The following KDSR variants were observed in gnomAD, a reference collection of about 807,000 sequenced individuals.
KDSR encodes 3-dehydrosphinganine reductase.
In KDSR, 23 loss-of-function variants were observed where a neutral mutation model predicts 41.3. The ratio of observed to expected loss-of-function variants is 0.56; its 90% CI spans 0.40 to 0.79. The LOEUF is 0.79. Ranked by LOEUF, KDSR falls within the 30% of genes least tolerant of loss-of-function variation. KDSR has a pLI of 0.00. For synonymous variants in KDSR, 138 were observed against 151.7 expected (o/e 0.91, Z 0.66); for missense variants, 351 against 416.8 (o/e 0.84, Z 1.37).
At position 63,329,127 on chromosome 18, in the gene KDSR, T is replaced by C. The variant is rs10460159; in HGVS notation, c.*2655A>G. Reference sequence around the variant, plus strand: ...GCATTGAACCAAAAAATATAAAAAATAGAATTTGCCTTGTAATATTTTCAT... The same window carrying C: ...GCATTGAACCAAAAAATATAAAAAACAGAATTTGCCTTGTAATATTTTCAT... On this transcript the variant is annotated 3_prime_UTR_variant, in exon 10 of 10. Coordinates refer to ENST00000645214, the MANE Select transcript of KDSR (RefSeq NM_002035.4). The C allele has an allele frequency of 0.32, 64,772 of 199,566 alleles. 12,903 individuals are homozygous for C. Among genetic ancestry groups the C allele is most frequent in the Non-Finnish European group, 0.43 (41,952 of 96,722 alleles). 12.4% of individuals were successfully genotyped at this position (199,566 alleles called of 1,614,324 possible). A position where few individuals can be genotyped will look rare whatever the true frequency, so the allele number is the denominator to read the frequency against.
rs190277811 is a variant in KDSR, at chr18:63,356,248, A to G, written c.256-685T>C. On this transcript the variant is annotated intron_variant, in intron 3 of 9. Coordinates refer to ENST00000645214, the MANE Select transcript of KDSR (RefSeq NM_002035.4). Reference sequence around the variant, plus strand: ...CCCTGTCTCTACTAAAAATACAAAAAATTAGCCTGGCGTGGTGGTGGGCAC... The same window carrying G: ...CCCTGTCTCTACTAAAAATACAAAAGATTAGCCTGGCGTGGTGGTGGGCAC... 2.6e-3 allele frequency among the ~76,000 whole-genome samples: 394 copies of G among 152,192 alleles called. 3 individuals are homozygous for G. The highest frequency in any genetic ancestry group is 4.2e-3 in the Non-Finnish European group (283 of 67,994).
intron 6 of KDSR, among the ~76,000 whole-genome samples, chr18:63,350,097 A>G (rs372654326): frequency 2.0e-5 from 3 of 152,300 alleles, no homozygotes; most frequent in South Asian, 2.1e-4. Context: ...TGCGGATAAG[A>G]GGGGATGACT....
intron 3 of KDSR, among the ~76,000 whole-genome samples, chr18:63,356,431 T>C (rs1914798077): frequency 6.7e-6 from 1 of 150,110 alleles, no homozygotes; most frequent in Admixed American, 6.6e-5. Flanking sequence ...AATCATATGA[T>C]TAATTTTAAA....
chr18:63,335,391 A>C, intron 8 of KDSR, 33 bp from the exon 9 acceptor site: 1 of 1,432,032 alleles, frequency 7.0e-7, no homozygotes, highest in Middle Eastern at 1.9e-4. Context: ...GAAAGAGGGA[A>C]TCCTAGTAAT....
At chr18:63,350,224 A>G (rs1914626076) in intron 6 of KDSR, among the ~76,000 whole-genome samples, 1 of 152,230 alleles carries the variant, frequency 6.6e-6, no homozygotes, top group Non-Finnish European at 1.5e-5. Context: ...AGTCGGCTTC[A>G]AGCAGCTGAG....
chr18:63,342,498 G>T (rs2144356542), intron 7 of KDSR, among the ~76,000 whole-genome samples: 1 of 152,320 alleles, frequency 6.6e-6, no homozygotes, highest in Non-Finnish European at 1.5e-5. Context: ...TGCTCACATG[G>T]ATCAAAAGGA....
chr18:63,331,620 A>T lies in KDSR; in HGVS notation c.*162T>A. ...TATTAATAATACTGTCAGGAGGTGA[A>T]CTTCTAGCCCCTTGCTTGCAGCCAC... On this transcript the variant is annotated 3_prime_UTR_variant, in exon 10 of 10. Transcript: ENST00000645214. The T allele has an allele frequency of 1.7e-6, 1 of 600,206 alleles. No homozygotes were observed. Among genetic ancestry groups the T allele is most frequent in the Non-Finnish European group, 2.9e-6 (1 of 346,036 alleles). The allele number at this position is 600,206 out of a possible 1,614,324, so 37.2% of individuals were successfully genotyped here. A position where few individuals can be genotyped will look rare whatever the true frequency, so the allele number is the denominator to read the frequency against.
intron 9 of KDSR, 87 bp downstream of exon 9, chr18:63,335,170 C>T: frequency 2.4e-6 from 2 of 825,590 alleles, no homozygotes; most frequent in Non-Finnish European, 4.0e-6. Context: ...TTAGTTTTCC[C>T]TTAACCTCTT....
rs1232810638 is a variant in KDSR at position 63,359,754 on chromosome 18, G to C, written c.237C>G (p.His79Gln). The C allele has an allele frequency of 6.2e-7, 1 of 1,606,652 alleles. No homozygotes were observed. ...LLQAKKEIEM[H>Q]SINDKQVVLC... is the part of the protein sequence containing the mutation. ...GATTTACCTGTTTGTCATTAATAGA[G>C]TGCATTTCAATTTCTTTCTTTGCCT... Residue 79 changes from histidine to glutamine, a missense_variant, in exon 3 of 10, where the codon CAC becomes CAG. Coordinates refer to ENST00000645214, the MANE Select transcript of KDSR (RefSeq NM_002035.4).
chr18:63,329,582 T>C lies in KDSR; in HGVS notation c.*2200A>G, dbSNP rs1339009519. ...CTGCAAATCTGCTCTCATATTTCAG[T>C]GGAAATTGGGATAGGGACAATTGTC... On this transcript the variant is annotated 3_prime_UTR_variant, in exon 10 of 10. Coordinates refer to ENST00000645214, the MANE Select transcript of KDSR (RefSeq NM_002035.4). 4.9e-6 allele frequency: 1 copy of C among 202,760 alleles called. No homozygotes were observed. Among genetic ancestry groups the C allele is most frequent in the Admixed American group, 6.0e-5 (1 of 16,680 alleles). 12.6% of individuals were successfully genotyped at this position (202,760 alleles called of 1,614,324 possible).
At chr18:63,359,814 T>G in intron 2 of KDSR, 22 bp from the exon 3 acceptor site, 1 of 1,565,478 alleles carries the variant, frequency 6.4e-7, no homozygotes, top group Non-Finnish European at 8.8e-7. Flanking sequence ...ACAGAATAAT[T>G]AGTCGTGATG....
rs1301405795 is a variant in KDSR, at chr18:63,359,659, GGT to G, written c.255+75_255+76del. 7.5e-6 allele frequency: 7 copies of G among 927,622 alleles called. No homozygotes were observed. The Admixed American group carries it at 1.2e-4, about 16-fold the overall frequency. The allele number at this position is 927,622 out of a possible 1,614,324, so 57.5% of individuals were successfully genotyped here. ...ATATGCTTTCAATTAACTATTCACA[GGT>G]GAAGTAACTCTGTTTTTCCTTTATA... is the stretch of plus-strand genomic sequence containing the variant. On this transcript the variant is annotated intron_variant, in intron 3 of 9. Transcript: ENST00000645214.
chr18:63,329,846 G>A lies in KDSR; in HGVS notation c.*1936C>T, dbSNP rs2144341179. ...AAAGAATAAAACTGAGAAACATCCAGACATTAATGCAATTGTTTTCTGCAA... is the reference window on the plus strand; with the variant it reads ...AAAGAATAAAACTGAGAAACATCCAAACATTAATGCAATTGTTTTCTGCAA... On this transcript the variant is annotated 3_prime_UTR_variant, in exon 10 of 10. Transcript: ENST00000645214. 1 of 194,990 alleles carries A rather than the reference G, an allele frequency of 5.1e-6. No homozygotes were observed. 12.1% of individuals were successfully genotyped at this position (194,990 alleles called of 1,614,324 possible).
intron 7 of KDSR, among the ~76,000 whole-genome samples, chr18:63,342,620 T>C (rs535548484): frequency 1.3e-5 from 2 of 152,284 alleles, no homozygotes; most frequent in Non-Finnish European, 2.9e-5. Context: ...CAAGTGTGCA[T>C]AATATTAATA....
chr18:63,346,819 G>A (rs182172710), intron 6 of KDSR, among the ~76,000 whole-genome samples: 10 of 152,150 alleles, frequency 6.6e-5, no homozygotes, highest in Admixed American at 2.6e-4. Context: ...TGCCAGTATC[G>A]TTCTAAGAAC....
At chr18:63,362,727 C>T (rs895168965) in intron 2 of KDSR, 52 bp downstream of exon 2, 2 of 1,254,804 alleles carry the variant, frequency 1.6e-6, no homozygotes, top group Non-Finnish European at 2.3e-6. Context: ...GCCTCTTTGA[C>T]TAATTTCAAG....
chr18:63,347,495 CAAAAAAAAAAAAAAA>C (rs36023779), intron 6 of KDSR, among the ~76,000 whole-genome samples: 1 of 56,984 alleles, frequency 1.8e-5, no homozygotes, highest in Non-Finnish European at 2.9e-5. Flanking sequence ...GACTCCATCT[CAAAAAAAAAAAAAAA>C]AAAAAAAAAG....
In KDSR at chr18:63,362,784, T is replaced by C; in HGVS notation, c.193A>G (p.Asn65Asp). 1 of 1,609,960 alleles carries C rather than the reference T, an allele frequency of 6.2e-7. No homozygotes were observed. Among genetic ancestry groups the C allele is most frequent in the Non-Finnish European group, 8.5e-7 (1 of 1,176,456 alleles). ...QGAFITLVAR[N>D]EDKLLQAKKE... ...AATGAACCTAGAAGCCTTACCTCAT[T>C]TCGTGCAACCAGAGTTATAAAAGCT... The change falls in exon 2 of 10, where the codon AAT becomes GAT. Residue 65 changes from asparagine to aspartate, a missense_variant. By Grantham distance (23) the Asn-to-Asp change is conservative (BLOSUM62 1). Coordinates refer to ENST00000645214, the MANE Select transcript of KDSR (RefSeq NM_002035.4).
intron 1 of KDSR, among the ~76,000 whole-genome samples, chr18:63,365,161 C>T (rs552972421): frequency 6.6e-6 from 1 of 152,230 alleles, no homozygotes; most frequent in African/African-American, 2.4e-5. Flanking sequence ...TGGCCGGGCG[C>T]GATGGCTCGC....
Sources: gnomAD v4.1 joint callset for allele counts (sites outside exome capture counted in the v4.1 genomes callset) on GRCh38, gnomAD v4.1.1 for gene constraint, MANE v1.5 for transcripts, NCBI Gene and HGNC (gene_info 2026-07-23, HGNC 2026-07-21) for gene names.